The following LMAN2 variants were observed in gnomAD, a reference collection of about 807,000 sequenced individuals.
LMAN2 encodes the protein vesicular integral-membrane protein VIP36.
LMAN2 carries 22 observed loss-of-function variants against 39.3 expected under a neutral mutation model. The ratio of observed to expected loss-of-function variants is 0.56; its 90% CI spans 0.40 to 0.80. The LOEUF (loss-of-function observed/expected upper bound fraction) is 0.80, where lower values mean the gene tolerates loss of function less well. Among genes scored for constraint, LMAN2 ranks in the 30% least tolerant of loss-of-function variants. LMAN2 has a pLI of 0.00. For synonymous variants in LMAN2, 207 were observed against 207.8 expected, an observed-to-expected ratio of 1.00 and a Z score of 0.03; for missense variants, 494 against 505.4, an observed-to-expected ratio of 0.98 and a Z score of 0.22.
At chr5:177,343,566 C>CAG (rs1761588989) in intron 2 of LMAN2, among the ~76,000 whole-genome samples, 1 of 28,508 alleles carries the variant, frequency 3.5e-5, no homozygotes, top group Non-Finnish European at 7.2e-5. Context: ...GTGGTCTAGA[C>CAG]ACACACACAC....
At chr5:177,335,556 T>C (rs934679608) in intron 6 of LMAN2, among the ~76,000 whole-genome samples, 1 of 151,740 alleles carries the variant, frequency 6.6e-6, no homozygotes, top group Non-Finnish European at 1.5e-5. Context: ...TCAAGAACCC[T>C]CCAAAGACAA....
rs1435780102 is a variant in LMAN2 at position 177,337,330 on chromosome 5, C to A, written c.675+33G>T. On this transcript the variant is annotated intron_variant, in intron 5 of 7. Coordinates refer to ENST00000303127, the MANE Select transcript of LMAN2 (RefSeq NM_006816.3). The surrounding 1 kb of genome is among the most constrained non-coding windows in gnomAD (Gnocchi z 8.2). ...CCTCTGTGGGACCAGCACAGGGCCA[C>A]CAGCTGCCACCCCCACCGCCTAGCC... The A allele has an allele frequency of 1.9e-6, 3 of 1,610,250 alleles. No individual in the cohort carries two copies. The Admixed American group carries it at 5.0e-5, about 27-fold the overall frequency.
intron 2 of LMAN2, among the ~76,000 whole-genome samples, chr5:177,347,017 C>T (rs36102285): frequency 0.34 from 51,930 of 151,876 alleles, 9,382 homozygotes; most frequent in African/African-American, 0.44. Context: ...ACAAACAGAA[C>T]GCGTCCAAAA....
chr5:177,334,869 C>A (rs554312504), intron 6 of LMAN2, among the ~76,000 whole-genome samples: 1 of 152,312 alleles, frequency 6.6e-6, no homozygotes, highest in East Asian at 1.9e-4. Context: ...GCAGGAGCCA[C>A]CAGACATTCT....
intron 6 of LMAN2, among the ~76,000 whole-genome samples, chr5:177,335,115 G>A (rs1357002614): frequency 6.6e-6 from 1 of 152,316 alleles, no homozygotes; most frequent in East Asian, 1.9e-4. Context: ...GGAATCTGAG[G>A]AAAGGCCTTG....
At chr5:177,336,834 G>A (rs139644514) in intron 6 of LMAN2, 28 of 477,490 alleles carry the variant, frequency 5.9e-5, no homozygotes, top group East Asian at 2.5e-4. Flanking sequence ...CCTGAGGCCC[G>A]GACAGGCCAT....
intron 2 of LMAN2, among the ~76,000 whole-genome samples, chr5:177,345,212 G>T (rs1761615615): frequency 6.6e-6 from 1 of 151,536 alleles, no homozygotes; most frequent in South Asian, 2.1e-4. Context: ...AGGCATGGTG[G>T]TGTGCGCCTG....
chr5:177,343,486 A>G, intron 2 of LMAN2, among the ~76,000 whole-genome samples: 1 of 91,542 alleles, frequency 1.1e-5, no homozygotes, highest in Non-Finnish European at 2.3e-5. Flanking sequence ...TGTTCACTGC[A>G]GCACTATTCA....
chr5:177,342,984 T>C (rs1761579735), intron 2 of LMAN2, among the ~76,000 whole-genome samples: 1 of 152,020 alleles, frequency 6.6e-6, no homozygotes, highest in Non-Finnish European at 1.5e-5. Flanking sequence ...CCGGGCGCGG[T>C]GGCTCATGCC....
intron 2 of LMAN2, among the ~76,000 whole-genome samples, chr5:177,340,230 A>G (rs1217058332): frequency 1.3e-5 from 2 of 152,214 alleles, no homozygotes; most frequent in Non-Finnish European, 2.9e-5. Context: ...ACAACAAAAA[A>G]GTTTTTTTTA....
chr5:177,336,957 G>A, intron 6 of LMAN2, 179 bp downstream of exon 6: 1 of 608,866 alleles, frequency 1.6e-6, no homozygotes, highest in Non-Finnish European at 2.9e-6. Flanking sequence ...ACAGCCAGGT[G>A]AGCCCAGAAA....
chr5:177,345,339 TA>T (rs10639580), intron 2 of LMAN2, among the ~76,000 whole-genome samples: 3,824 of 52,140 alleles, frequency 0.073, 100 homozygotes, highest in African/African-American at 0.23. Context: ...AGACCCTGTC[TA>T]AAAAAAAAAA....
rs932824396 is a variant in LMAN2 at position 177,351,324 on chromosome 5, C to A, written c.197-33G>T. ...AAGAGACAGGTGCTAAGAGGCCACG[C>A]CAGGACTGGCCTCACCAGAGGCAGG... On this transcript the variant is annotated intron_variant, in intron 1 of 7. Coordinates refer to ENST00000303127, the MANE Select transcript of LMAN2 (RefSeq NM_006816.3). 9 of 1,611,432 alleles carry A rather than the reference C, an allele frequency of 5.6e-6. No homozygotes were observed. The Admixed American group carries it at 1.3e-4, about 24-fold the overall frequency.
Position 177,337,662 on chromosome 5 carries a change from C to T in LMAN2, c.513+44G>A. The T allele has an allele frequency of 6.2e-7, 1 of 1,610,112 alleles. No homozygotes were observed. Among genetic ancestry groups the T allele is most frequent in the South Asian group, 1.1e-5 (1 of 90,692 alleles). On this transcript the variant is annotated intron_variant, in intron 4 of 7. Transcript: ENST00000303127. This position sits in a 1 kb window ranked among gnomAD's most constrained non-coding sequence, Gnocchi z 8.2. The stretch of plus-strand genomic sequence containing the variant: ...AGGGCCCCCTCCTCTAGCCGACTGC[C>T]CAGTCCTTCCTTTCCTGCTCAGCAG...
chr5:177,346,911 C>G (rs892979930), intron 2 of LMAN2, among the ~76,000 whole-genome samples: 3 of 152,164 alleles, frequency 2.0e-5, no homozygotes, highest in Admixed American at 2.0e-4. Flanking sequence ...CCTGGCTGCA[C>G]AGCAGACCCA....
intron 6 of LMAN2, among the ~76,000 whole-genome samples, chr5:177,335,596 C>G (rs893251498): frequency 7.2e-5 from 11 of 152,180 alleles, no homozygotes; most frequent in African/African-American, 2.4e-4. Flanking sequence ...AAGTTCCAGG[C>G]AACCCGGGGC....
At chr5:177,341,025 G>C (rs1761545943) in intron 2 of LMAN2, among the ~76,000 whole-genome samples, 1 of 149,624 alleles carries the variant, frequency 6.7e-6, no homozygotes, top group Admixed American at 6.6e-5. Flanking sequence ...AAAGTGCTGA[G>C]ATTACAGATG....
At chr5:177,343,199 G>A (rs1477671329) in intron 2 of LMAN2, among the ~76,000 whole-genome samples, 2 of 152,182 alleles carry the variant, frequency 1.3e-5, no homozygotes, top group Non-Finnish European at 2.9e-5. Flanking sequence ...AGGTTCCAGC[G>A]AGCCGAGATC....
chr5:177,338,470 G>A lies in LMAN2; in HGVS notation c.433+18C>T, dbSNP rs1426817496. The stretch of plus-strand genomic sequence containing the variant: ...GTGCCCACCCCCACAGGGCCCAGCT[G>A]AGCGAACACCAGCCCACCTGGCACG... On this transcript the variant is annotated intron_variant, in intron 3 of 7. Coordinates refer to ENST00000303127, the MANE Select transcript of LMAN2 (RefSeq NM_006816.3). 6.2e-7 allele frequency: 1 copy of A among 1,607,050 alleles called. No individual in the cohort carries two copies. Among genetic ancestry groups the A allele is most frequent in the Admixed American group, 1.7e-5 (1 of 60,016 alleles).
Sources: gnomAD v4.1 joint callset for allele counts (sites outside exome capture counted in the v4.1 genomes callset) on GRCh38, gnomAD v4.1.1 for gene constraint, Gnocchi (gnomAD v3.1) non-coding constraint, MANE v1.5 for transcripts, NCBI Gene and HGNC (gene_info 2026-07-23, HGNC 2026-07-21) for gene names.